Variants in SND1 observed in about 807,000 individuals in gnomAD.
The protein encoded by SND1 is staphylococcal nuclease domain-containing protein 1.
A neutral mutation model predicts 121.7 loss-of-function variants in SND1; 38 were observed. The ratio of observed to expected loss-of-function variants is 0.31; its 90% CI spans 0.24 to 0.41. The LOEUF (loss-of-function observed/expected upper bound fraction) is 0.41. Among genes scored for constraint, SND1 ranks in the 10% least tolerant of loss-of-function variants. The pLI is 1.00. For missense variants in SND1, 868 were observed against 1,184.6 expected (o/e 0.73, Z 3.92); for synonymous variants, 401 against 447.4 (o/e 0.90, Z 1.31).
chr7:127,742,235 C>A (rs975250499), intron 10 of SND1, among the ~76,000 whole-genome samples: 2 of 152,100 alleles, frequency 1.3e-5, no homozygotes, highest in African/African-American at 2.4e-5. Flanking sequence ...ACTTGTGCCA[C>A]CAAGATGTGT....
At chr7:127,822,965 G>T (rs1003444049) in intron 11 of SND1, among the ~76,000 whole-genome samples, 1 of 152,194 alleles carries the variant, frequency 6.6e-6, no homozygotes, top group African/African-American at 2.4e-5. Context: ...GGTAATATAC[G>T]TTAAGCATTT....
At chr7:127,997,837 T>A (rs754078052) in intron 16 of SND1, 1 of 534,818 alleles carries the variant, frequency 1.9e-6, no homozygotes, top group Non-Finnish European at 3.8e-6. Flanking sequence ...ACATCAGTCA[T>A]CGCCCTTGCT....
Position 128,089,583 on chromosome 7 carries a change from C to A in SND1, c.2513C>A (p.Pro838His). The change falls in exon 22 of 24, where the codon CCC (proline) becomes CAC (histidine). Residue 838 changes from proline to histidine, a missense_variant. By Grantham distance (77) the Pro-to-His change is moderately conservative. Coordinates refer to ENST00000354725, the MANE Select transcript of SND1 (RefSeq NM_014390.4). ...LNVEHLSAGC[P>H]HVTLQFADSK... ...GTGGAACACCTGAGTGCCGGCTGCC[C>A]CCATGTCACCCTGCAGTTTGCAGAT... 1 of 1,614,224 alleles carries A rather than the reference C, an allele frequency of 6.2e-7. No individual in the cohort carries two copies. Among genetic ancestry groups the A allele is most frequent in the South Asian group, 1.1e-5 (1 of 91,080 alleles).
chr7:127,851,569 T>C (rs547761796), intron 12 of SND1, among the ~76,000 whole-genome samples: 2 of 152,370 alleles, frequency 1.3e-5, no homozygotes, highest in African/African-American at 4.8e-5. Flanking sequence ...ATATCACTTA[T>C]TCATTTAGCC....
At chr7:127,767,629 A>AT (rs2116491142) in intron 10 of SND1, among the ~76,000 whole-genome samples, 1 of 152,338 alleles carries the variant, frequency 6.6e-6, no homozygotes, top group African/African-American at 2.4e-5. Flanking sequence ...AATAACTCTT[A>AT]GGTTCTAATA....
chr7:127,970,008 A>C (rs1563074297), intron 15 of SND1, among the ~76,000 whole-genome samples: 2 of 152,208 alleles, frequency 1.3e-5, no homozygotes, highest in Non-Finnish European at 2.9e-5. Context: ...ACGCAGCAGA[A>C]GGGTAATTTC....
rs139435520 is a variant in SND1 at position 127,942,977 on chromosome 7, G to A, written c.1669+13648G>A. The stretch of plus-strand genomic sequence containing the variant: ...GGTAATAGCATTCTGAGCCTCTTAC[G>A]TGGATCCATTTCATGCTATGAGGTT... On this transcript the variant is annotated intron_variant, in intron 15 of 23. Transcript: ENST00000354725. Among the ~76,000 whole-genome samples, 389 of 152,232 alleles carry A rather than the reference G, an allele frequency of 2.6e-3. 4 individuals carry two copies. Among genetic ancestry groups the A allele is most frequent in the Middle Eastern group, 3.4e-3 (1 of 294 alleles).
chr7:127,817,688 T>TGCCAA (rs1798469256), intron 11 of SND1, among the ~76,000 whole-genome samples: 1 of 151,082 alleles, frequency 6.6e-6, no homozygotes, highest in Non-Finnish European at 1.5e-5. Flanking sequence ...TCCATGGACA[T>TGCCAA]GCCAAGCCAT....
At chr7:127,949,858 C>T (rs1283836398) in intron 15 of SND1, among the ~76,000 whole-genome samples, 1 of 152,132 alleles carries the variant, frequency 6.6e-6, no homozygotes, top group African/African-American at 2.4e-5. Context: ...CTTTGTTTTG[C>T]CTTTCCCTTG....
chr7:127,705,403 C>T (rs1295733685), intron 8 of SND1, among the ~76,000 whole-genome samples: 1 of 152,200 alleles, frequency 6.6e-6, no homozygotes, highest in Admixed American at 6.5e-5. Context: ...TATGCCCTAA[C>T]TTATTTAAAA....
In SND1 at chr7:127,971,225, C is replaced by A. The variant is rs184847351; in HGVS notation, c.1670-19722C>A. Among the ~76,000 whole-genome samples the A allele has an allele frequency of 2.0e-5, 3 of 152,166 alleles. No individual in the cohort carries two copies. The East Asian group carries it at 5.8e-4, about 29-fold the overall frequency. On this transcript the variant is annotated intron_variant, in intron 15 of 23. Coordinates refer to ENST00000354725, the MANE Select transcript of SND1 (RefSeq NM_014390.4). ...GTTGGGGTGGTCACCAACCATTTTA[C>A]AAATCTTAGAAGGCTATAGGCTTTC...
intron 15 of SND1, among the ~76,000 whole-genome samples, chr7:127,946,544 T>C (rs1326513496): frequency 6.6e-6 from 1 of 152,098 alleles, no homozygotes; most frequent in East Asian, 1.9e-4. Context: ...AATATGGAGG[T>C]GAAAGGGTTA....
rs1793039263 is a variant in SND1, at chr7:128,051,125, GCTTCC to G, written c.1780-23375_1780-23371del. Among the ~76,000 whole-genome samples the G allele has an allele frequency of 2.6e-5, 4 of 152,302 alleles. No individual in the cohort carries two copies. In the South Asian group the frequency reaches 8.3e-4, roughly 32 times the overall value. ...GTGCTTGCTTCCAGAGCTTCCCACA[GCTTCC>G]CAGTGCAGGAGTTTTCCTCCTGGAC... is the stretch of plus-strand genomic sequence containing the variant. On this transcript the variant is annotated intron_variant, in intron 16 of 23. Transcript: ENST00000354725.
chr7:127,673,566 C>T (rs2116270727), intron 1 of SND1, among the ~76,000 whole-genome samples: 1 of 152,296 alleles, frequency 6.6e-6, no homozygotes, highest in Admixed American at 6.5e-5. Flanking sequence ...CCCACCTCAG[C>T]CTCCCAAAGT....
intron 12 of SND1, among the ~76,000 whole-genome samples, chr7:127,883,163 C>T (rs567171505): frequency 1.7e-4 from 26 of 152,222 alleles, no homozygotes; most frequent in Non-Finnish European, 2.8e-4. Flanking sequence ...GACATCTTCC[C>T]CTCTAGTTAA....
At chr7:127,760,516 TTTTG>T (rs1290177827) in intron 10 of SND1, among the ~76,000 whole-genome samples, 1 of 152,230 alleles carries the variant, frequency 6.6e-6, no homozygotes, top group East Asian at 1.9e-4. Flanking sequence ...GGGCAAAGTA[TTTTG>T]TTTGACTTTA....
At position 128,084,715 on chromosome 7, in the gene SND1, C is replaced by G; in HGVS notation, c.2111-9C>G. 6.2e-7 allele frequency: 1 copy of G among 1,603,508 alleles called. No homozygotes were observed. Among genetic ancestry groups the G allele is most frequent in the Non-Finnish European group, 8.5e-7 (1 of 1,173,170 alleles). On this transcript the variant is annotated splice_polypyrimidine_tract_variant and intron_variant, in intron 18 of 23. Transcript: ENST00000354725. ...ACCCAGGTCTCACTGTGCTCTTCCT[C>G]CCTGGCAGGCACCCAGTTGGAGAAG...
chr7:127,893,197 A>G (rs1366815544), intron 13 of SND1, among the ~76,000 whole-genome samples: 2 of 152,122 alleles, frequency 1.3e-5, no homozygotes, highest in East Asian at 3.9e-4. Context: ...TAACACATCC[A>G]AGTTTTGATT....
intron 15 of SND1, among the ~76,000 whole-genome samples, chr7:127,969,963 T>G (rs1801945450): frequency 6.6e-6 from 1 of 152,240 alleles, no homozygotes; most frequent in Non-Finnish European, 1.5e-5. Context: ...CCTAGCATGA[T>G]GCCTTTATTT....
Sources: gnomAD v4.1 joint callset for allele counts (sites outside exome capture counted in the v4.1 genomes callset) on GRCh38, gnomAD v4.1.1 for gene constraint, MANE v1.5 for transcripts, NCBI Gene and HGNC (gene_info 2026-07-23, HGNC 2026-07-21) for gene names.